Variants in ROR2 observed in about 807,000 individuals in gnomAD.
ROR2 encodes ROR family WNT receptor 2, also known as tyrosine-protein kinase transmembrane receptor ROR2.
ROR2 carries 33 observed loss-of-function variants against 74.9 expected under a neutral mutation model. That is an observed-to-expected ratio of 0.44 (90% CI 0.33 to 0.59). The LOEUF (loss-of-function observed/expected upper bound fraction) is 0.59, where lower values mean the gene tolerates loss of function less well. Among genes scored for constraint, ROR2 ranks in the 20% least tolerant of loss-of-function variants. ROR2 has a pLI of 0.02. For synonymous variants in ROR2, 586 were observed against 558.7 expected (o/e 1.05, Z -0.69); for missense variants, 1,216 against 1,313.8 (o/e 0.93, Z 1.15).
At position 91,760,338 on chromosome 9, in the gene ROR2, G is replaced by C. The variant is rs144354483; in HGVS notation, c.176-2779C>G. ...TGACTGAAGTACGTTTGGACATTAA[G>C]AAAAACAACTGTGGGCTAGGTGCGG... is the stretch of plus-strand genomic sequence containing the variant. On this transcript the variant is annotated intron_variant, in intron 2 of 8. Coordinates refer to ENST00000375708, the MANE Select transcript of ROR2 (RefSeq NM_004560.4). 2.7e-3 allele frequency among the ~76,000 whole-genome samples: 405 copies of C among 152,278 alleles called. 2 individuals are homozygous for C. Among genetic ancestry groups the C allele is most frequent in the African/African-American group, 9.3e-3 (387 of 41,542 alleles).
At chr9:91,855,296 C>T (rs767645301) in intron 1 of ROR2, among the ~76,000 whole-genome samples, 1 of 152,174 alleles carries the variant, frequency 6.6e-6, no homozygotes, top group South Asian at 2.1e-4. Flanking sequence ...GCCCAGAAAG[C>T]CCAGGCCCTG....
chr9:91,816,864 G>A (rs1267355467), intron 1 of ROR2, among the ~76,000 whole-genome samples: 1 of 152,158 alleles, frequency 6.6e-6, no homozygotes, highest in Admixed American at 6.5e-5. Context: ...CCACTTCACA[G>A]AGACAAGACA....
intron 1 of ROR2, among the ~76,000 whole-genome samples, chr9:91,817,276 G>A (rs754511266): frequency 7.2e-5 from 11 of 152,244 alleles, no homozygotes; most frequent in Non-Finnish European, 1.5e-4. Context: ...TCCCCACCCT[G>A]AGTTCATGCC....
At chr9:91,897,794 A>G (rs562604004) in intron 1 of ROR2, among the ~76,000 whole-genome samples, 2 of 152,336 alleles carry the variant, frequency 1.3e-5, no homozygotes, top group South Asian at 4.1e-4. Flanking sequence ...CCAAAGTTCC[A>G]AAGGCAGCCC....
chr9:91,875,706 G>A (rs1829936053), intron 1 of ROR2, among the ~76,000 whole-genome samples: 1 of 152,172 alleles, frequency 6.6e-6, no homozygotes, highest in Non-Finnish European at 1.5e-5. Context: ...ATTCTCTGGA[G>A]GTGAGAGAGC....
chr9:91,851,847 GC>G, intron 1 of ROR2, among the ~76,000 whole-genome samples: 1 of 151,920 alleles, frequency 6.6e-6, no homozygotes, highest in Non-Finnish European at 1.5e-5. Flanking sequence ...GTGGTAGTGC[GC>G]GCCTGTAATC....
chr9:91,881,448 A>G (rs1300190108), intron 1 of ROR2, among the ~76,000 whole-genome samples: 1 of 152,174 alleles, frequency 6.6e-6, no homozygotes, highest in Non-Finnish European at 1.5e-5. Context: ...ACTCTTGTTT[A>G]TATCTGTTAG....
chr9:91,774,526 G>A lies in ROR2; in HGVS notation c.175+1215C>T, dbSNP rs576801012. On this transcript the variant is annotated intron_variant, in intron 2 of 8. Coordinates refer to ENST00000375708, the MANE Select transcript of ROR2 (RefSeq NM_004560.4). ...ATGATGGGGGTGTTATGAAAACACC[G>A]GGATTCGGTCTAGGTCCTCCTGCTC... is the stretch of plus-strand genomic sequence containing the variant. 4.6e-5 allele frequency among the ~76,000 whole-genome samples: 7 copies of A among 152,232 alleles called. No homozygotes were observed. The East Asian group carries it at 7.7e-4, about 17-fold the overall frequency.
chr9:91,740,562 G>C (rs1048377722), intron 4 of ROR2, among the ~76,000 whole-genome samples: 17 of 144,408 alleles, frequency 1.2e-4, no homozygotes, highest in South Asian at 2.1e-4. Flanking sequence ...GGGCGGGGGG[G>C]GGAATATATA....
intron 2 of ROR2, among the ~76,000 whole-genome samples, chr9:91,758,301 A>C (rs1181113552): frequency 1.3e-5 from 2 of 152,224 alleles, no homozygotes; most frequent in Non-Finnish European, 2.9e-5. Flanking sequence ...GCAAATGATG[A>C]GGATCAACTG....
intron 1 of ROR2, among the ~76,000 whole-genome samples, chr9:91,810,035 C>T (rs1437932798): frequency 6.6e-6 from 1 of 152,252 alleles, no homozygotes; most frequent in Non-Finnish European, 1.5e-5. Flanking sequence ...AAATCGGCCA[C>T]GCCACACATG....
At chr9:91,756,816 T>C (rs1326034385) in intron 3 of ROR2, among the ~76,000 whole-genome samples, 2 of 149,180 alleles carry the variant, frequency 1.3e-5, no homozygotes, top group Admixed American at 1.4e-4. Flanking sequence ...AATGGCGTGA[T>C]CTCGGCTCAC....
chr9:91,751,048 G>A (rs1455241206), intron 4 of ROR2, among the ~76,000 whole-genome samples: 1 of 152,186 alleles, frequency 6.6e-6, no homozygotes, highest in Non-Finnish European at 1.5e-5. Context: ...ATCATAGAGG[G>A]CAATCTGGCC....
At chr9:91,871,596 A>G (rs1829799070) in intron 1 of ROR2, among the ~76,000 whole-genome samples, 1 of 152,106 alleles carries the variant, frequency 6.6e-6, no homozygotes, top group African/African-American at 2.4e-5. Flanking sequence ...CTCCCCCAAC[A>G]AGAGCTGGAG....
chr9:91,865,829 G>C (rs1040329660), intron 1 of ROR2, among the ~76,000 whole-genome samples: 1 of 152,212 alleles, frequency 6.6e-6, no homozygotes, highest in Non-Finnish European at 1.5e-5. Context: ...AGCATTGCCA[G>C]TGATGTTCAA....
At chr9:91,805,874 G>A (rs1827530649) in intron 1 of ROR2, among the ~76,000 whole-genome samples, 1 of 152,196 alleles carries the variant, frequency 6.6e-6, no homozygotes, top group South Asian at 2.1e-4. Context: ...ACTATGCCCA[G>A]ATGACATCCT....
chr9:91,724,184 G>T lies in ROR2; in HGVS notation c.2310C>A (p.Thr770=). Residue 770 remains threonine (T), a synonymous_variant, in exon 9 of 9, where the codon ACC becomes ACA. Transcript: ENST00000375708. ...QTSGASNTTQ[T]SSLSTSPVSN... is the part of the protein sequence containing the mutation. ...TCACTGGGCTGGTGCTCAGGGAGCT[G>T]GTCTGCGTGGTGTTGCTGGCCCCCG... is the stretch of plus-strand genomic sequence containing the variant. 2 of 1,612,762 alleles carry T rather than the reference G, an allele frequency of 1.2e-6. No homozygotes were observed. The highest frequency in any genetic ancestry group is 8.5e-7 in the Non-Finnish European group (1 of 1,180,034).
intron 1 of ROR2, among the ~76,000 whole-genome samples, chr9:91,828,539 C>A (rs1828361558): frequency 6.6e-6 from 1 of 152,110 alleles, no homozygotes. Flanking sequence ...CATGGCAAAA[C>A]CCGATCTCCA....
At chr9:91,753,623 G>A (rs926196264) in intron 4 of ROR2, among the ~76,000 whole-genome samples, 61 of 152,142 alleles carry the variant, frequency 4.0e-4, no homozygotes, top group African/African-American at 1.4e-3. Flanking sequence ...AGGGAGACGC[G>A]GTGGCACGAG....
Sources: gnomAD v4.1 joint callset for allele counts (sites outside exome capture counted in the v4.1 genomes callset) on GRCh38, gnomAD v4.1.1 for gene constraint, MANE v1.5 for transcripts, NCBI Gene and HGNC (gene_info 2026-07-23, HGNC 2026-07-21) for gene names.